CNTNAP2: variants seen among roughly 807,000 people sequenced by gnomAD.
CNTNAP2 encodes contactin associated protein 2.
CNTNAP2 carries 98 observed loss-of-function variants against 155.2 expected under a neutral mutation model. The observed-to-expected ratio is 0.63, with a 90% confidence interval of 0.54 to 0.75. The LOEUF is 0.75. Ranked by LOEUF, CNTNAP2 falls within the 30% of genes least tolerant of loss-of-function variation. The pLI, the probability that CNTNAP2 is intolerant of heterozygous loss-of-function variation, is 0.00. For synonymous variants in CNTNAP2, 651 were observed against 631.2 expected (o/e 1.03, Z -0.47); for missense variants, 1,727 against 1,688.1 (o/e 1.02, Z -0.40).
At chr7:147,991,661 A>G (rs542619062) in intron 15 of CNTNAP2, among the ~76,000 whole-genome samples, 2 of 152,356 alleles carry the variant, frequency 1.3e-5, no homozygotes, top group East Asian at 3.9e-4. Context: ...TATTAAATTT[A>G]TATAACTCAT....
chr7:147,121,379 C>A (rs1801108093), intron 6 of CNTNAP2: 1 of 495,746 alleles, frequency 2.0e-6, no homozygotes, highest in Non-Finnish European at 3.6e-6. Context: ...ATCTTAGTAC[C>A]AATGTAATAA....
Position 146,353,213 on chromosome 7 carries a change from A to G in CNTNAP2, c.97+236240A>G, listed in dbSNP as rs576946595. ...AAAACTATTCTTGTCAATGCCGTAC[A>G]TATTAATGCCTCCTCCTCACTGAGT... On this transcript the variant is annotated intron_variant, in intron 1 of 23. Coordinates refer to ENST00000361727, the MANE Select transcript of CNTNAP2 (RefSeq NM_014141.6). 2.6e-4 allele frequency among the ~76,000 whole-genome samples: 39 copies of G among 152,326 alleles called. 1 individual carries two copies. Among genetic ancestry groups the G allele is most frequent in the African/African-American group, 9.1e-4 (38 of 41,586 alleles).
intron 13 of CNTNAP2, among the ~76,000 whole-genome samples, chr7:147,801,966 C>T (rs912706828): frequency 2.3e-4 from 35 of 150,944 alleles, no homozygotes; most frequent in African/African-American, 8.5e-4. Context: ...GACACCCCCA[C>T]CTCCCTCCCG....
At chr7:146,502,022 T>C (rs1797307750) in intron 1 of CNTNAP2, among the ~76,000 whole-genome samples, 1 of 151,864 alleles carries the variant, frequency 6.6e-6, no homozygotes, top group Non-Finnish European at 1.5e-5. Context: ...CTTCCGAGCC[T>C]CTGATGACCA....
Position 148,062,026 on chromosome 7 carries a change from A to AGTGTGTGT in CNTNAP2, c.2384-56091_2384-56090insTGTGTGTG, listed in dbSNP as rs1429526235. Among the ~76,000 whole-genome samples, 72 of 132,054 alleles carry AGTGTGTGT rather than the reference A, an allele frequency of 5.5e-4. 1 individual carries two copies. Among genetic ancestry groups the AGTGTGTGT allele is most frequent in the African/African-American group, 2.1e-3 (70 of 34,078 alleles). The allele number at this position is 132,054 out of a possible 152,430, so 86.6% of individuals were successfully genotyped here. A position where few individuals can be genotyped will look rare whatever the true frequency, so the allele number is the denominator to read the frequency against. Reference sequence around the variant, plus strand: ...AGATAGATGATAGAGAGAGAGAGAGAGAGTGTGTGTGTGTGTGTGTGTGTG... The same window carrying AGTGTGTGT: ...AGATAGATGATAGAGAGAGAGAGAGAGTGTGTGTGAGTGTGTGTGTGTGTGTGTGTGTG... On this transcript the variant is annotated intron_variant, in intron 15 of 23. Transcript: ENST00000361727.
intron 14 of CNTNAP2, among the ~76,000 whole-genome samples, chr7:147,961,799 TA>T (rs1338425005): frequency 3.3e-5 from 5 of 152,146 alleles, no homozygotes; most frequent in Non-Finnish European, 7.3e-5. Flanking sequence ...CTAATTATAA[TA>T]AAAATGCATG....
At chr7:147,805,585 T>C (rs1798077828) in intron 13 of CNTNAP2, among the ~76,000 whole-genome samples, 1 of 152,230 alleles carries the variant, frequency 6.6e-6, no homozygotes, top group African/African-American at 2.4e-5. Context: ...CTTTATTGTG[T>C]TGAGCTATGT....
intron 13 of CNTNAP2, among the ~76,000 whole-genome samples, chr7:147,648,902 G>C (rs993647392): frequency 4.6e-5 from 7 of 152,168 alleles, no homozygotes; most frequent in African/African-American, 1.7e-4. Flanking sequence ...TGTGAACATG[G>C]AGAAGTCAAT....
At chr7:148,363,234 C>T (rs757781632) in intron 21 of CNTNAP2, among the ~76,000 whole-genome samples, 4 of 152,306 alleles carry the variant, frequency 2.6e-5, no homozygotes, top group East Asian at 3.9e-4. Flanking sequence ...CCGCCTGCCT[C>T]GGCCTCCCTA....
intron 1 of CNTNAP2, among the ~76,000 whole-genome samples, chr7:146,370,457 A>G (rs1479593565): frequency 6.6e-6 from 1 of 151,774 alleles, no homozygotes; most frequent in African/African-American, 2.4e-5. Flanking sequence ...AAAAAGGAAA[A>G]AAAAAACATT....
chr7:146,135,060 T>C (rs1158112547), intron 1 of CNTNAP2, among the ~76,000 whole-genome samples: 1 of 152,122 alleles, frequency 6.6e-6, no homozygotes, highest in Non-Finnish European at 1.5e-5. Context: ...TTTTATAATG[T>C]AACATTTCTA....
At chr7:146,341,677 A>C (rs1794731571) in intron 1 of CNTNAP2, among the ~76,000 whole-genome samples, 1 of 152,180 alleles carries the variant, frequency 6.6e-6, no homozygotes, top group African/African-American at 2.4e-5. Flanking sequence ...GCAAGCTGTG[A>C]AAAAGCAACT....
At chr7:146,356,415 T>C (rs1250423983) in intron 1 of CNTNAP2, among the ~76,000 whole-genome samples, 2 of 152,160 alleles carry the variant, frequency 1.3e-5, no homozygotes, top group South Asian at 2.1e-4. Flanking sequence ...TAACCGAACA[T>C]AGCCTGTGGA....
intron 13 of CNTNAP2, among the ~76,000 whole-genome samples, chr7:147,731,272 T>G (rs968984579): frequency 6.6e-6 from 1 of 152,080 alleles, no homozygotes; most frequent in African/African-American, 2.4e-5. Context: ...AAAGAAAAAG[T>G]GGATGTCTGG....
intron 9 of CNTNAP2, among the ~76,000 whole-genome samples, chr7:147,324,902 G>A (rs1795423466): frequency 6.6e-6 from 1 of 152,096 alleles, no homozygotes; most frequent in Non-Finnish European, 1.5e-5. Context: ...TACCAACTAG[G>A]AAAAATGCAT....
chr7:147,340,779 C>A (rs898817772), intron 9 of CNTNAP2, among the ~76,000 whole-genome samples: 5 of 151,988 alleles, frequency 3.3e-5, no homozygotes, highest in Non-Finnish European at 7.4e-5. Flanking sequence ...TTTCAACACT[C>A]TCTCCACATT....
chr7:148,080,402 G>A (rs1458948286), intron 15 of CNTNAP2, among the ~76,000 whole-genome samples: 2 of 151,908 alleles, frequency 1.3e-5, no homozygotes, highest in Non-Finnish European at 2.9e-5. Flanking sequence ...TCAGGAGATC[G>A]AGACCGTCCT....
At chr7:146,482,699 C>T (rs528925897) in intron 1 of CNTNAP2, among the ~76,000 whole-genome samples, 7 of 151,256 alleles carry the variant, frequency 4.6e-5, no homozygotes, top group African/African-American at 1.2e-4. Context: ...GCTGAGATCA[C>T]GCCACTGCAC....
chr7:146,747,082 G>C (rs1189429009), intron 1 of CNTNAP2, among the ~76,000 whole-genome samples: 1 of 152,064 alleles, frequency 6.6e-6, no homozygotes, highest in Non-Finnish European at 1.5e-5. Context: ...TACCTAGTAT[G>C]CTCGTTACTT....
Sources: allele counts gnomAD v4.1 joint callset (sites outside exome capture counted in the v4.1 genomes callset), GRCh38; gene constraint gnomAD v4.1.1; transcripts MANE v1.5; gene names NCBI Gene and HGNC (gene_info 2026-07-23, HGNC 2026-07-21).